Variants in SFXN5 observed in about 807,000 individuals in gnomAD.
The protein encoded by SFXN5 is sideroflexin 5, also known as sideroflexin-5.
A neutral mutation model predicts 50.2 loss-of-function variants in SFXN5; 43 were observed. The ratio of observed to expected loss-of-function variants is 0.86; its 90% CI spans 0.67 to 1.11. The LOEUF is 1.11. SFXN5 is among the 50% of genes least tolerant of loss of function. SFXN5 has a pLI of 0.00. For synonymous variants in SFXN5, 203 were observed against 185.8 expected (o/e 1.09, Z -0.75); for missense variants, 463 against 454.1 (o/e 1.02, Z -0.18).
At chr2:72,985,778 G>T (rs1671846351) in intron 10 of SFXN5, among the ~76,000 whole-genome samples, 2 of 152,184 alleles carry the variant, frequency 1.3e-5, no homozygotes, top group South Asian at 2.1e-4. Context: ...AGCGGCTGAA[G>T]CCTCATTCCC....
chr2:73,042,034 T>TA (rs1679711989), intron 2 of SFXN5, among the ~76,000 whole-genome samples: 1 of 152,184 alleles, frequency 6.6e-6, no homozygotes, highest in African/African-American at 2.4e-5. Context: ...TTATATATTT[T>TA]CAACATTTTA....
intron 8 of SFXN5, 76 bp from the exon 9 acceptor site, chr2:72,999,090 C>A: frequency 6.7e-7 from 1 of 1,502,802 alleles, no homozygotes; most frequent in African/African-American, 1.4e-5. Flanking sequence ...GCTGTCCCAG[C>A]CAGCAAGAAG....
At chr2:72,952,653 A>G (rs532042082) in intron 13 of SFXN5, among the ~76,000 whole-genome samples, 25 of 152,294 alleles carry the variant, frequency 1.6e-4, no homozygotes, top group African/African-American at 5.5e-4. Flanking sequence ...TGGTGGACCA[A>G]TCTCAGAATC....
At chr2:73,033,852 C>T (rs1315886724) in intron 3 of SFXN5, among the ~76,000 whole-genome samples, 1 of 152,182 alleles carries the variant, frequency 6.6e-6, no homozygotes, top group African/African-American at 2.4e-5. Flanking sequence ...CATCAGAAAA[C>T]ATTTTTGATT....
At chr2:72,988,448 T>TGTC in intron 9 of SFXN5, 100 bp from the exon 10 acceptor site, 2 of 1,019,008 alleles carry the variant, frequency 2.0e-6, no homozygotes, top group Non-Finnish European at 2.9e-6. Flanking sequence ...GAGTGAGGGA[T>TGTC]GTCATCTTTC....
chr2:73,016,867 T>C (rs1676230630), intron 6 of SFXN5, among the ~76,000 whole-genome samples: 2 of 152,176 alleles, frequency 1.3e-5, no homozygotes, highest in South Asian at 4.1e-4. Context: ...GGGCATTTTG[T>C]TGACATGATG....
Position 73,022,288 on chromosome 2 carries a change from C to T in SFXN5, c.331+234G>A, listed in dbSNP as rs150424282. Among the ~76,000 whole-genome samples, 1,263 of 152,194 alleles carry T rather than the reference C, an allele frequency of 8.3e-3. 78 individuals carry two copies. The highest frequency in any genetic ancestry group is 0.069 in the Admixed American group (1,054 of 15,288). On this transcript the variant is annotated intron_variant, in intron 5 of 13. Coordinates refer to ENST00000272433, the MANE Select transcript of SFXN5 (RefSeq NM_144579.3). Reference sequence around the variant, plus strand: ...GGCTACCAGATTCACCTGTGGAAGCCCTGGTTCCACCCCAACTGCTCAGGC... The same window carrying T: ...GGCTACCAGATTCACCTGTGGAAGCTCTGGTTCCACCCCAACTGCTCAGGC...
chr2:73,014,042 T>C (rs1675863990), intron 6 of SFXN5, among the ~76,000 whole-genome samples: 1 of 152,166 alleles, frequency 6.6e-6, no homozygotes, highest in African/African-American at 2.4e-5. Flanking sequence ...TCATTCAACA[T>C]TGTTTTTGAG....
intron 13 of SFXN5, among the ~76,000 whole-genome samples, chr2:72,954,161 A>G (rs1384034170): frequency 6.6e-6 from 1 of 152,094 alleles, no homozygotes; most frequent in East Asian, 1.9e-4. Flanking sequence ...AAGGCTTTAG[A>G]CTTCCTCAGA....
intron 10 of SFXN5, among the ~76,000 whole-genome samples, chr2:72,981,455 T>G (rs1288029708): frequency 6.6e-6 from 1 of 152,108 alleles, no homozygotes; most frequent in Non-Finnish European, 1.5e-5. Flanking sequence ...CCTTGTGAGA[T>G]CTCATCGGCC....
intron 13 of SFXN5, among the ~76,000 whole-genome samples, chr2:72,952,357 C>T (rs540395781): frequency 1.3e-5 from 2 of 152,326 alleles, no homozygotes; most frequent in South Asian, 4.1e-4. Context: ...GCTTTTATCT[C>T]CATCCCATCC....
At chr2:73,071,290 G>A (rs930481057) in intron 1 of SFXN5, 1 of 382,484 alleles carries the variant, frequency 2.6e-6, no homozygotes, top group East Asian at 5.8e-5. Context: ...GCCGCTCGAA[G>A]CCGGGCGCTC....
At chr2:73,064,886 G>C (rs1301509455) in intron 1 of SFXN5, among the ~76,000 whole-genome samples, 2 of 152,040 alleles carry the variant, frequency 1.3e-5, no homozygotes, top group African/African-American at 4.8e-5. Context: ...TCCTGGACTC[G>C]GGTGATTCTC....
chr2:73,018,032 T>C (rs188907212), intron 6 of SFXN5, among the ~76,000 whole-genome samples: 46 of 152,136 alleles, frequency 3.0e-4, no homozygotes, highest in African/African-American at 1.0e-3. Context: ...AATGAGACTC[T>C]ATCTCTATAA....
At chr2:73,014,426 C>T (rs1675908193) in intron 6 of SFXN5, among the ~76,000 whole-genome samples, 1 of 152,090 alleles carries the variant, frequency 6.6e-6, no homozygotes, top group Non-Finnish European at 1.5e-5. Flanking sequence ...GACATATTTG[C>T]TTATCACTGT....
At chr2:73,024,793 T>C (rs935977097) in intron 3 of SFXN5, among the ~76,000 whole-genome samples, 19 of 152,238 alleles carry the variant, frequency 1.2e-4, no homozygotes, top group African/African-American at 4.3e-4. Flanking sequence ...GTTGTTATGC[T>C]TCATGTATAT....
At chr2:72,969,335 C>T (rs1425131868) in intron 11 of SFXN5, among the ~76,000 whole-genome samples, 1 of 152,196 alleles carries the variant, frequency 6.6e-6, no homozygotes, top group Non-Finnish European at 1.5e-5. Context: ...CAGTGGGGCT[C>T]ATGGAGCCAA....
At position 72,992,769 on chromosome 2, in the gene SFXN5, C is replaced by T. The variant is rs1672754229; in HGVS notation, c.535-4421G>A. On this transcript the variant is annotated intron_variant, in intron 9 of 13. Coordinates refer to ENST00000272433, the MANE Select transcript of SFXN5 (RefSeq NM_144579.3). The surrounding 1 kb of genome is among the most constrained non-coding windows in gnomAD (Gnocchi z 4.5). ...GGCCCCCTGTTTCCACTCTTGCCCC[C>T]ATCCATCTGCTCTCTACAGCAGTCG... is the stretch of plus-strand genomic sequence containing the variant. 6.6e-6 allele frequency among the ~76,000 whole-genome samples: 1 copy of T among 152,244 alleles called. No individual in the cohort carries two copies. The highest frequency in any genetic ancestry group is 2.4e-5 in the African/African-American group (1 of 41,460).
intron 6 of SFXN5, among the ~76,000 whole-genome samples, chr2:73,006,618 G>A (rs1005264326): frequency 1.4e-5 from 2 of 147,070 alleles, no homozygotes; most frequent in Admixed American, 6.8e-5. Flanking sequence ...CCCAAAGAGC[G>A]AGATTATCTC....
Sources: gnomAD v4.1 joint callset for allele counts (sites outside exome capture counted in the v4.1 genomes callset) on GRCh38, gnomAD v4.1.1 for gene constraint, Gnocchi (gnomAD v3.1) non-coding constraint, MANE v1.5 for transcripts, NCBI Gene and HGNC (gene_info 2026-07-23, HGNC 2026-07-21) for gene names.